Variants in CDS1 observed in about 807,000 individuals in gnomAD.
CDS1 encodes the protein phosphatidate cytidylyltransferase 1.
In CDS1, 41 loss-of-function variants were observed where a neutral mutation model predicts 62.1. The observed-to-expected ratio is 0.66, with a 90% confidence interval of 0.51 to 0.86. The LOEUF (loss-of-function observed/expected upper bound fraction) is 0.86. Among genes scored for constraint, CDS1 ranks in the 40% least tolerant of loss-of-function variants. The pLI is 0.00. For missense variants in CDS1, 470 were observed against 550.1 expected, an observed-to-expected ratio of 0.85 and a Z score of 1.46; for synonymous variants, 185 against 192.6, an observed-to-expected ratio of 0.96 and a Z score of 0.32.
At chr4:84,608,425 C>T (rs1362594824) in intron 2 of CDS1, among the ~76,000 whole-genome samples, 2 of 152,156 alleles carry the variant, frequency 1.3e-5, no homozygotes, top group Non-Finnish European at 2.9e-5. Flanking sequence ...CTGCCCACCT[C>T]GGCCTCCCAA....
chr4:84,618,491 T>TTTGAA (rs1343557119), intron 4 of CDS1, among the ~76,000 whole-genome samples: 1 of 152,154 alleles, frequency 6.6e-6, no homozygotes, highest in Non-Finnish European at 1.5e-5. Context: ...TTGTAGAAGG[T>TTTGAA]GTCAAACAAG....
At position 84,640,845 on chromosome 4, in the gene CDS1, A is replaced by T. The variant is rs751675202; in HGVS notation, c.887A>T (p.Tyr296Phe). The T allele has an allele frequency of 6.3e-7, 1 of 1,585,802 alleles. No individual in the cohort carries two copies. The highest frequency in any genetic ancestry group is 1.4e-5 in the African/African-American group (1 of 73,540). Residue 296 changes from tyrosine to phenylalanine, a missense_variant, in exon 10 of 13, where the codon TAT becomes TTT. By Grantham distance (22) the Tyr-to-Phe change is conservative. This residue lies in a region of CDS1 where 214 missense variants were observed against 242.4 expected (regional missense o/e 0.88). Transcript: ENST00000295887. Reference sequence around the variant, plus strand: ...TTTTGTTTTTAATATCAGGCTGCCTATGTGTTATCCAAATACCAGTACTTT... The same window carrying T: ...TTTTGTTTTTAATATCAGGCTGCCTTTGTGTTATCCAAATACCAGTACTTT... The part of the protein sequence containing the change: ...STVVFGFIAA[Y>F]VLSKYQYFVC...
intron 5 of CDS1, among the ~76,000 whole-genome samples, chr4:84,626,691 A>G (rs976571460): frequency 2.0e-5 from 3 of 152,346 alleles, no homozygotes; most frequent in South Asian, 2.1e-4. Context: ...TATGTCTATT[A>G]TCATTTTAAG....
intron 10 of CDS1, among the ~76,000 whole-genome samples, chr4:84,642,677 A>G (rs1159070715): frequency 1.3e-5 from 2 of 152,222 alleles, no homozygotes; most frequent in Non-Finnish European, 2.9e-5. Flanking sequence ...TTACAGCAAC[A>G]AAGCATTACT....
intron 10 of CDS1, among the ~76,000 whole-genome samples, chr4:84,641,203 A>T (rs1724373574): frequency 1.3e-5 from 2 of 152,108 alleles, no homozygotes; most frequent in African/African-American, 4.8e-5. Flanking sequence ...AGTAGCTGGG[A>T]TTACAGGCGC....
In CDS1 at chr4:84,635,284, GT is replaced by G; in HGVS notation, c.744del (p.Ser248ArgfsTer7). On this transcript the variant is annotated frameshift_variant, in exon 8 of 13. Transcript: ENST00000295887. LOFTEE classifies it high-confidence loss of function. ...GMIWFLVPIS[S>X]VICNDITAYL... is the part of the protein sequence containing the mutation. ...AACAGGTTCCTTGTTCCAATATCAA[GT>G]GTTATCTGCAATGACATAACTGCTT... is the stretch of plus-strand genomic sequence containing the variant. 6.5e-7 allele frequency: 1 copy of G among 1,527,408 alleles called. No homozygotes were observed. Among genetic ancestry groups the G allele is most frequent in the Non-Finnish European group, 8.9e-7 (1 of 1,122,632 alleles). 94.6% of individuals were successfully genotyped at this position (1,527,408 alleles called of 1,614,324 possible).
chr4:84,624,965 A>T (rs1483062546), intron 5 of CDS1, among the ~76,000 whole-genome samples: 1 of 151,948 alleles, frequency 6.6e-6, no homozygotes, highest in African/African-American at 2.4e-5. Context: ...GGTTCAGGTG[A>T]TTCTCATGCC....
At chr4:84,634,376 T>C (rs959015789) in intron 7 of CDS1, among the ~76,000 whole-genome samples, 4 of 152,208 alleles carry the variant, frequency 2.6e-5, no homozygotes, top group African/African-American at 9.6e-5. Context: ...TTTGCTCCTG[T>C]GTAGGAGTGG....
intron 2 of CDS1, among the ~76,000 whole-genome samples, chr4:84,604,844 C>G (rs1163773777): frequency 1.3e-5 from 2 of 151,986 alleles, no homozygotes; most frequent in African/African-American, 4.8e-5. Context: ...TCTTAAACTC[C>G]TGGGCTCAAG....
chr4:84,609,690 A>G (rs1009328154), intron 3 of CDS1, among the ~76,000 whole-genome samples, 165 bp downstream of exon 3: 1 of 152,196 alleles, frequency 6.6e-6, no homozygotes, highest in African/African-American at 2.4e-5. Flanking sequence ...ATCTAACTTA[A>G]TCTTTTCTGT....
At chr4:84,615,312 C>T (rs1341670092) in intron 3 of CDS1, among the ~76,000 whole-genome samples, 7 of 152,024 alleles carry the variant, frequency 4.6e-5, no homozygotes, top group African/African-American at 1.7e-4. Context: ...ATCTTGCCTC[C>T]TGACTGCCTT....
At chr4:84,614,541 A>C (rs1428773095) in intron 3 of CDS1, among the ~76,000 whole-genome samples, 3 of 152,158 alleles carry the variant, frequency 2.0e-5, no homozygotes, top group Non-Finnish European at 4.4e-5. Context: ...TCTTAGAAAA[A>C]ATTTGCAAAG....
chr4:84,633,882 T>G lies in CDS1; in HGVS notation c.665T>G (p.Leu222Arg). Residue 222 changes from leucine to arginine, a missense_variant, in exon 7 of 13, where the codon CTG becomes CGG. By Grantham distance (102) the Leu-to-Arg change is moderately radical. Coordinates refer to ENST00000295887, the MANE Select transcript of CDS1 (RefSeq NM_001263.4). ...YMFAWTHVTLLITVTQSHLVI... is the reference protein window; with the variant it reads ...YMFAWTHVTLRITVTQSHLVI... ...TTCGCATGGACTCATGTCACTTTACTGATAACTGTCACTCAGTCACACCTT... is the reference window on the plus strand; with the variant it reads ...TTCGCATGGACTCATGTCACTTTACGGATAACTGTCACTCAGTCACACCTT... 2 of 1,602,498 alleles carry G rather than the reference T, an allele frequency of 1.2e-6. No individual in the cohort carries two copies. The highest frequency in any genetic ancestry group is 1.7e-6 in the Non-Finnish European group (2 of 1,173,810).
intron 1 of CDS1, among the ~76,000 whole-genome samples, chr4:84,600,463 G>A (rs1007824890): frequency 6.6e-6 from 1 of 152,138 alleles, no homozygotes; most frequent in African/African-American, 2.4e-5. Context: ...AAGATTTATA[G>A]CTTTATATAA....
chr4:84,586,389 C>T (rs1560460944), intron 1 of CDS1, among the ~76,000 whole-genome samples: 1 of 152,118 alleles, frequency 6.6e-6, no homozygotes. Context: ...ACTATACAGT[C>T]CCACCTGGGG....
At chr4:84,602,429 C>T (rs1157005722) in intron 1 of CDS1, among the ~76,000 whole-genome samples, 2 of 152,132 alleles carry the variant, frequency 1.3e-5, no homozygotes, top group Non-Finnish European at 2.9e-5. Context: ...AATTTGAATG[C>T]TAGTCTAATG....
Position 84,635,616 on chromosome 4 carries a change from TGCC to T in CDS1, c.810+266_810+268del, listed in dbSNP as rs1560481501. ...CTGCCTGCCTGCCTGCCTGCCTGCCTGCCTGCCTGCCTTCCTTCCTTCCTTCCT... is the reference window on the plus strand; with the variant it reads ...CTGCCTGCCTGCCTGCCTGCCTGCCTTGCCTGCCTTCCTTCCTTCCTTCCT... On this transcript the variant is annotated intron_variant, in intron 8 of 12. Transcript: ENST00000295887. 7.4e-3 allele frequency among the ~76,000 whole-genome samples: 785 copies of T among 105,516 alleles called. 13 individuals carry two copies. Among genetic ancestry groups the T allele is most frequent in the African/African-American group, 0.021 (561 of 26,220 alleles). 69.2% of individuals were successfully genotyped at this position (105,516 alleles called of 152,430 possible). A position where few individuals can be genotyped will look rare whatever the true frequency, so the allele number is the denominator to read the frequency against.
chr4:84,599,632 A>T (rs2868920), intron 1 of CDS1, among the ~76,000 whole-genome samples: 49 of 148,102 alleles, frequency 3.3e-4, no homozygotes, highest in Non-Finnish European at 6.2e-4. Flanking sequence ...GTGTGTGTGT[A>T]TATATATATA....
At position 84,633,838 on chromosome 4, in the gene CDS1, A is replaced by G. The variant is rs1363483545; in HGVS notation, c.640-19A>G. The G allele has an allele frequency of 5.2e-6, 8 of 1,552,744 alleles. No individual in the cohort carries two copies. The highest frequency in any genetic ancestry group is 6.1e-6 in the Non-Finnish European group (7 of 1,139,606). ...ATCAGTTGTGTTCACTAATTTTTGT[A>G]TTGTTGGGCTATTAACAGTTCGCAT... On this transcript the variant is annotated intron_variant, in intron 6 of 12. Transcript: ENST00000295887.
Sources: gnomAD v4.1 joint callset for allele counts (sites outside exome capture counted in the v4.1 genomes callset) on GRCh38, gnomAD v4.1.1 for gene constraint, gnomAD v4.1.1 regional missense constraint, MANE v1.5 for transcripts, NCBI Gene and HGNC (gene_info 2026-07-23, HGNC 2026-07-21) for gene names.